Variants in CNBD1 observed in about 807,000 individuals in gnomAD.
CNBD1 encodes cyclic nucleotide-binding domain-containing protein 1.
Under a neutral mutation model 54.4 loss-of-function variants are expected in CNBD1, and 71 were observed. The ratio of observed to expected loss-of-function variants is 1.30; its 90% CI spans 1.08 to 1.59. The LOEUF (loss-of-function observed/expected upper bound fraction) is 1.59. Ranked by LOEUF, CNBD1 falls within the 40% of genes most tolerant of loss-of-function variation. The probability of loss-of-function intolerance (pLI) is 0.00; values close to 1 mark genes in which losing one functional copy is unlikely to be tolerated. For missense variants in CNBD1, 659 were observed against 518.0 expected (o/e 1.27, Z -2.64); for synonymous variants, 182 against 170.7 (o/e 1.07, Z -0.51).
rs60466933 is a variant in CNBD1, at chr8:87,132,071, C to G, written c.432-73922C>G. ...CTTCTGGCCTCTATTTTTTGTTTGCCTTATTTTTATATGTATGTAATGTGT... is the reference window on the plus strand; with the variant it reads ...CTTCTGGCCTCTATTTTTTGTTTGCGTTATTTTTATATGTATGTAATGTGT... On this transcript the variant is annotated intron_variant, in intron 4 of 10. Transcript: ENST00000518476. Among the ~76,000 whole-genome samples the G allele has an allele frequency of 2.8e-3, 426 of 151,660 alleles. 3 individuals are homozygous for G. The highest frequency in any genetic ancestry group is 9.8e-3 in the African/African-American group (407 of 41,424).
chr8:87,245,862 A>G (rs1485885843), intron 6 of CNBD1, among the ~76,000 whole-genome samples: 2 of 151,920 alleles, frequency 1.3e-5, no homozygotes, highest in Admixed American at 6.6e-5. Context: ...TATTATGGAT[A>G]TATTGTTTTT....
intron 4 of CNBD1, among the ~76,000 whole-genome samples, chr8:87,117,471 G>A (rs1400695657): frequency 6.8e-6 from 1 of 146,080 alleles, no homozygotes; most frequent in African/African-American, 2.5e-5. Context: ...GACATGATGA[G>A]AGACACTTAC....
intron 4 of CNBD1, among the ~76,000 whole-genome samples, chr8:87,130,745 G>A (rs1282891176): frequency 2.7e-5 from 4 of 148,866 alleles, no homozygotes; most frequent in Non-Finnish European, 5.9e-5. Flanking sequence ...TTACTGCACT[G>A]TAGCTCAGGC....
chr8:87,390,443 C>T (rs1353682181), intron 2 of CNBD1, among the ~76,000 whole-genome samples: 2 of 152,176 alleles, frequency 1.3e-5, no homozygotes, highest in Non-Finnish European at 2.9e-5. Context: ...TATGAACAGA[C>T]ACTTCTCAAA....
chr8:87,425,119 C>T (rs1326756447), intron 2 of CNBD1, among the ~76,000 whole-genome samples: 1 of 152,120 alleles, frequency 6.6e-6, no homozygotes, highest in Non-Finnish European at 1.5e-5. Context: ...GCATCGGCTC[C>T]TGAGGCTTCT....
intron 10 of CNBD1, 56 bp from the exon 11 acceptor site, chr8:87,382,564 T>C: frequency 7.0e-7 from 1 of 1,435,330 alleles, no homozygotes; most frequent in Non-Finnish European, 9.6e-7. Flanking sequence ...GGAAAATAAT[T>C]ACCAAAAATG....
chr8:87,146,882 A>G (rs558351146), intron 4 of CNBD1, among the ~76,000 whole-genome samples: 7 of 152,256 alleles, frequency 4.6e-5, no homozygotes, highest in African/African-American at 1.7e-4. Flanking sequence ...AGGTATGTGT[A>G]TATATATGTA....
At chr8:87,116,352 C>G (rs571269909) in intron 4 of CNBD1, among the ~76,000 whole-genome samples, 1 of 151,730 alleles carries the variant, frequency 6.6e-6, no homozygotes, top group Non-Finnish European at 1.5e-5. Flanking sequence ...CAGGCATGCA[C>G]CACCACACCT....
At chr8:87,424,317 G>A (rs574725616) in intron 2 of CNBD1, among the ~76,000 whole-genome samples, 6 of 152,058 alleles carry the variant, frequency 3.9e-5, no homozygotes, top group African/African-American at 1.2e-4. Context: ...CCTTCTGCTA[G>A]CTTTTGAATG....
chr8:86,906,703 C>T (rs1374546206), intron 3 of CNBD1, among the ~76,000 whole-genome samples: 1 of 152,128 alleles, frequency 6.6e-6, no homozygotes, highest in Admixed American at 6.6e-5. Flanking sequence ...GATCATCTTG[C>T]CCTCATATTT....
intron 6 of CNBD1, among the ~76,000 whole-genome samples, chr8:87,264,946 A>G (rs1332213270): frequency 1.3e-5 from 2 of 151,984 alleles, no homozygotes; most frequent in East Asian, 1.9e-4. Flanking sequence ...CCCATTTTGT[A>G]GGTTGCCTGT....
intron 1 of CNBD1, among the ~76,000 whole-genome samples, chr8:86,884,717 C>A (rs1001188165): frequency 5.3e-5 from 8 of 152,166 alleles, no homozygotes; most frequent in African/African-American, 1.7e-4. Context: ...TCACCTTCTG[C>A]TTATTATTGT....
At chr8:87,076,497 C>T (rs1230129742) in intron 4 of CNBD1, among the ~76,000 whole-genome samples, 2 of 151,670 alleles carry the variant, frequency 1.3e-5, no homozygotes, top group African/African-American at 4.8e-5. Context: ...GGCTTGAGTG[C>T]AGTATCATGA....
At chr8:87,286,875 C>G (rs1441257269) in intron 8 of CNBD1, among the ~76,000 whole-genome samples, 2 of 152,054 alleles carry the variant, frequency 1.3e-5, no homozygotes, top group Admixed American at 6.6e-5. Flanking sequence ...AGTGTGGTCT[C>G]AGGACTAACC....
chr8:87,140,063 T>C (rs751482746), intron 4 of CNBD1, among the ~76,000 whole-genome samples: 1 of 152,148 alleles, frequency 6.6e-6, no homozygotes, highest in Non-Finnish European at 1.5e-5. Flanking sequence ...AAAAAAAAAT[T>C]GTAATAACTT....
intron 8 of CNBD1, among the ~76,000 whole-genome samples, chr8:87,304,839 T>C (rs1026469270): frequency 6.6e-6 from 1 of 152,028 alleles, no homozygotes; most frequent in African/African-American, 2.4e-5. Context: ...ACATTCCTTC[T>C]GAGAACTGGA....
intron 4 of CNBD1, among the ~76,000 whole-genome samples, chr8:87,157,152 A>T (rs907173013): frequency 1.4e-4 from 21 of 152,270 alleles, no homozygotes; most frequent in African/African-American, 5.1e-4. Flanking sequence ...AAACAAGATA[A>T]TATTGTAGTT....
At chr8:87,122,650 T>C (rs1173116371) in intron 4 of CNBD1, among the ~76,000 whole-genome samples, 1 of 151,838 alleles carries the variant, frequency 6.6e-6, no homozygotes, top group Non-Finnish European at 1.5e-5. Context: ...CAATGTCATT[T>C]AGCATTCCCC....
At chr8:87,144,835 A>G (rs1185507442) in intron 4 of CNBD1, among the ~76,000 whole-genome samples, 1 of 152,010 alleles carries the variant, frequency 6.6e-6, no homozygotes, top group African/African-American at 2.4e-5. Context: ...AAAAAAAAAA[A>G]AAAATACTTG....
Sources: gnomAD v4.1 joint callset for allele counts (sites outside exome capture counted in the v4.1 genomes callset) on GRCh38, gnomAD v4.1.1 for gene constraint, MANE v1.5 for transcripts, NCBI Gene and HGNC (gene_info 2026-07-23, HGNC 2026-07-21) for gene names.